The following NALCN variants were observed in gnomAD, a reference collection of about 807,000 sequenced individuals.
NALCN encodes the protein sodium leak channel, non-selective, also known as sodium leak channel NALCN.
A neutral mutation model predicts 225.3 loss-of-function variants in NALCN; 111 were observed. That is an observed-to-expected ratio of 0.49 (90% confidence interval 0.42 to 0.58). The LOEUF (loss-of-function observed/expected upper bound fraction) is 0.58, where lower values mean the gene tolerates loss of function less well. Among genes scored for constraint, NALCN ranks in the 20% least tolerant of loss-of-function variants. The probability of loss-of-function intolerance (pLI) is 0.00; values close to 1 mark genes in which losing one functional copy is unlikely to be tolerated. For synonymous variants in NALCN, 764 were observed against 769.0 expected (o/e 0.99, Z 0.11); for missense variants, 1,378 against 2,202.4 (o/e 0.63, Z 7.49).
At chr13:101,111,037 C>A in intron 19 of NALCN, 88 bp downstream of exon 19, 2 of 1,352,864 alleles carry the variant, frequency 1.5e-6, no homozygotes, top group Admixed American at 1.9e-5. Context: ...GCAGCCAGGG[C>A]TGACAGCCGT....
intron 6 of NALCN, among the ~76,000 whole-genome samples, chr13:101,355,450 GAA>G (rs2046027968): frequency 6.6e-6 from 1 of 151,716 alleles, no homozygotes; most frequent in African/African-American, 2.4e-5. Context: ...AAAAGACAAA[GAA>G]TGGCATTACT....
At chr13:101,410,350 A>G (rs1273157156) in intron 1 of NALCN, among the ~76,000 whole-genome samples, 1 of 152,254 alleles carries the variant, frequency 6.6e-6, no homozygotes, top group Non-Finnish European at 1.5e-5. Flanking sequence ...ACACTTAGAG[A>G]GTTCACATTG....
chr13:101,107,451 C>G, intron 22 of NALCN, 36 bp downstream of exon 22: 1 of 1,613,270 alleles, frequency 6.2e-7, no homozygotes, highest in Non-Finnish European at 8.5e-7. Flanking sequence ...TTGCATGGCT[C>G]AGGCCAAACA....
intron 38 of NALCN, 152 bp downstream of exon 38, chr13:101,068,543 C>A (rs1950723639): frequency 3.9e-6 from 3 of 773,342 alleles, no homozygotes; most frequent in African/African-American, 1.8e-5. Flanking sequence ...TTTCAAAGGT[C>A]TTTTCAGCTT....
At chr13:101,284,283 C>A (rs1185844730) in intron 9 of NALCN, among the ~76,000 whole-genome samples, 3 of 152,162 alleles carry the variant, frequency 2.0e-5, no homozygotes, top group Non-Finnish European at 2.9e-5. Flanking sequence ...TATAATTGCT[C>A]AAATATTCTT....
At chr13:101,133,918 C>G (rs2036636176) in intron 17 of NALCN, among the ~76,000 whole-genome samples, 1 of 152,038 alleles carries the variant, frequency 6.6e-6, no homozygotes, top group Non-Finnish European at 1.5e-5. Flanking sequence ...GCCTGTAATC[C>G]CAGCACTTTG....
intron 22 of NALCN, among the ~76,000 whole-genome samples, chr13:101,107,018 G>T (rs1475708994): frequency 1.3e-5 from 2 of 152,064 alleles, no homozygotes; most frequent in East Asian, 3.9e-4. Flanking sequence ...GTGAACAGTG[G>T]GTTTCCTTCT....
intron 13 of NALCN, among the ~76,000 whole-genome samples, chr13:101,224,781 C>A (rs2140118932): frequency 6.6e-6 from 1 of 152,238 alleles, no homozygotes; most frequent in African/African-American, 2.4e-5. Context: ...CCTTAAGCAC[C>A]AAGACCCTCC....
At chr13:101,229,993 C>T (rs2041283893) in intron 12 of NALCN, among the ~76,000 whole-genome samples, 2 of 152,148 alleles carry the variant, frequency 1.3e-5, no homozygotes, top group South Asian at 2.1e-4. Flanking sequence ...CTACACCTGA[C>T]ACCTTTGCTT....
At chr13:101,199,791 G>C (rs1179758850) in intron 13 of NALCN, among the ~76,000 whole-genome samples, 1 of 151,972 alleles carries the variant, frequency 6.6e-6, no homozygotes, top group Non-Finnish European at 1.5e-5. Context: ...AGAACTTAGA[G>C]TATAAATAAA....
intron 15 of NALCN, among the ~76,000 whole-genome samples, chr13:101,158,275 C>T (rs887711617): frequency 3.3e-5 from 5 of 152,250 alleles, no homozygotes; most frequent in Admixed American, 2.0e-4. Flanking sequence ...TGGTCTTCCG[C>T]AGCCAAAGAC....
At chr13:101,082,335 C>T (rs546079101) in intron 33 of NALCN, among the ~76,000 whole-genome samples, 2 of 152,298 alleles carry the variant, frequency 1.3e-5, no homozygotes, top group African/African-American at 4.8e-5. Flanking sequence ...GATCATGGGA[C>T]ATTTTTCTTC....
At chr13:101,107,895 T>C (rs1453573797) in intron 20 of NALCN, 106 bp from the exon 21 acceptor site, 1 of 557,636 alleles carries the variant, frequency 1.8e-6, no homozygotes, top group Non-Finnish European at 2.9e-6. Context: ...ATATAAAGTA[T>C]AAATATTAAT....
chr13:101,206,493 A>T (rs2040315140), intron 13 of NALCN, among the ~76,000 whole-genome samples: 1 of 152,012 alleles, frequency 6.6e-6, no homozygotes, highest in Non-Finnish European at 1.5e-5. Context: ...TATTGTAAAT[A>T]TAACTAGCAT....
At chr13:101,127,182 A>G (rs2036275790) in intron 17 of NALCN, among the ~76,000 whole-genome samples, 1 of 152,222 alleles carries the variant, frequency 6.6e-6, no homozygotes, top group Non-Finnish European at 1.5e-5. Flanking sequence ...TCTGCCCTGC[A>G]CAAGATTGCT....
intron 11 of NALCN, among the ~76,000 whole-genome samples, chr13:101,254,684 G>T (rs1209807939): frequency 1.4e-5 from 1 of 74,022 alleles, no homozygotes; most frequent in African/African-American, 3.8e-5. Context: ...GAGGTCAGGA[G>T]ATCGAGACCA....
chr13:101,329,324 G>C (rs898552315), intron 7 of NALCN, among the ~76,000 whole-genome samples: 7 of 152,210 alleles, frequency 4.6e-5, no homozygotes, highest in African/African-American at 1.7e-4. Flanking sequence ...TATATGGAAA[G>C]TGAAAGCATT....
chr13:101,081,497 A>G (rs1368482573), intron 34 of NALCN, 30 bp downstream of exon 34: 1 of 1,613,442 alleles, frequency 6.2e-7, no homozygotes, highest in Non-Finnish European at 8.5e-7. Flanking sequence ...TGAAATAATC[A>G]GCTGAAATCA....
At chr13:101,149,290 CA>C (rs57870899) in intron 15 of NALCN, among the ~76,000 whole-genome samples, 2,124 of 142,164 alleles carry the variant, frequency 0.015, 43 homozygotes, top group African/African-American at 0.046. Context: ...GAGACTGTCT[CA>C]AAAAAAAAAA....
Sources: gnomAD v4.1 joint callset for allele counts (sites outside exome capture counted in the v4.1 genomes callset) on GRCh38, gnomAD v4.1.1 for gene constraint, MANE v1.5 for transcripts, NCBI Gene and HGNC (gene_info 2026-07-23, HGNC 2026-07-21) for gene names.